CDH4: variants seen among roughly 807,000 people sequenced by gnomAD.
CDH4 encodes the protein cadherin-4.
In CDH4, 33 loss-of-function variants were observed where a neutral mutation model predicts 86.0. The ratio of observed to expected loss-of-function variants is 0.38; its 90% CI spans 0.29 to 0.51. CDH4 has a LOEUF of 0.51. Among genes scored for constraint, CDH4 ranks in the 20% least tolerant of loss-of-function variants. The probability of loss-of-function intolerance (pLI) is 0.86; values close to 1 mark genes in which losing one functional copy is unlikely to be tolerated. For missense variants in CDH4, 1,114 were observed against 1,307.4 expected, an observed-to-expected ratio of 0.85 and a Z score of 2.28; for synonymous variants, 555 against 549.4, an observed-to-expected ratio of 1.01 and a Z score of -0.14.
intron 2 of CDH4, among the ~76,000 whole-genome samples, chr20:61,583,013 A>T (rs1378812175): frequency 6.6e-6 from 1 of 151,750 alleles, no homozygotes; most frequent in Admixed American, 6.6e-5. Flanking sequence ...GGCACTGCGC[A>T]TGAGAGAATT....
intron 2 of CDH4, among the ~76,000 whole-genome samples, chr20:61,661,084 C>CGGGG (rs56367674): frequency 0.013 from 949 of 74,266 alleles, 39 homozygotes; most frequent in South Asian, 0.041. Context: ...GGAGGCATGG[C>CGGGG]GGGGGGGGGG....
At chr20:61,765,898 C>T (rs903277318) in intron 3 of CDH4, among the ~76,000 whole-genome samples, 4 of 152,088 alleles carry the variant, frequency 2.6e-5, no homozygotes, top group African/African-American at 7.2e-5. Context: ...GGTCACCTGC[C>T]TTCCCTGGAG....
chr20:61,582,553 C>T lies in CDH4; in HGVS notation c.170-161010C>T, dbSNP rs943549037. Among the ~76,000 whole-genome samples, 7 of 152,154 alleles carry T rather than the reference C, an allele frequency of 4.6e-5. No homozygotes were observed. Among genetic ancestry groups the T allele is most frequent in the South Asian group, 2.1e-4 (1 of 4,818 alleles). The stretch of plus-strand genomic sequence containing the variant: ...CTGTAGACTTCCCTCCCAGTGCTTC[C>T]GGGGAGAGTCTCCCCAGTTGCACCC... On this transcript the variant is annotated intron_variant, in intron 2 of 15. Transcript: ENST00000614565. The surrounding 1 kb of genome is among the most constrained non-coding windows in gnomAD (Gnocchi z 4.2).
intron 2 of CDH4, among the ~76,000 whole-genome samples, chr20:61,588,943 C>A (rs1328164789): frequency 6.6e-6 from 1 of 152,222 alleles, no homozygotes; most frequent in African/African-American, 2.4e-5. Flanking sequence ...TGTTGGCATT[C>A]TGTTCGTAAA....
At chr20:61,795,733 G>A (rs1423883789) in intron 4 of CDH4, among the ~76,000 whole-genome samples, 12 of 152,284 alleles carry the variant, frequency 7.9e-5, no homozygotes, top group African/African-American at 2.9e-4. Context: ...TCAGGAAGGA[G>A]GGAGGCTGGG....
intron 5 of CDH4, among the ~76,000 whole-genome samples, chr20:61,848,519 TG>T (rs1199755748): frequency 2.0e-5 from 3 of 151,600 alleles, no homozygotes; most frequent in Non-Finnish European, 2.9e-5. Flanking sequence ...CTTTTTTTAT[TG>T]TATTGTATTG....
chr20:61,660,906 G>C (rs1007011297), intron 2 of CDH4, among the ~76,000 whole-genome samples: 1 of 152,166 alleles, frequency 6.6e-6, no homozygotes, highest in African/African-American at 2.4e-5. Flanking sequence ...CGGGACTCAT[G>C]GTCCCGCAGC....
intron 6 of CDH4, among the ~76,000 whole-genome samples, chr20:61,871,230 T>A (rs1202038925): frequency 6.6e-6 from 1 of 152,206 alleles, no homozygotes; most frequent in Non-Finnish European, 1.5e-5. Context: ...ACATTTAGTG[T>A]CTATTTTTCA....
chr20:61,701,923 A>G (rs1022583258), intron 2 of CDH4, among the ~76,000 whole-genome samples: 5 of 152,334 alleles, frequency 3.3e-5, no homozygotes, highest in South Asian at 4.1e-4. Context: ...GGTGTGACTC[A>G]GGCCGAAGAG....
At chr20:61,462,925 T>G (rs1200595468) in intron 2 of CDH4, among the ~76,000 whole-genome samples, 2 of 152,050 alleles carry the variant, frequency 1.3e-5, no homozygotes, top group Non-Finnish European at 2.9e-5. Context: ...GGTGGTGAAA[T>G]GGTTTGACTG....
intron 4 of CDH4, among the ~76,000 whole-genome samples, chr20:61,823,674 G>A (rs1378250777): frequency 6.6e-6 from 1 of 152,148 alleles, no homozygotes; most frequent in Non-Finnish European, 1.5e-5. Context: ...TATGATTGTT[G>A]ACATGGTATC....
At chr20:61,502,492 G>T (rs529105486) in intron 2 of CDH4, among the ~76,000 whole-genome samples, 2 of 152,312 alleles carry the variant, frequency 1.3e-5, no homozygotes, top group East Asian at 3.9e-4. Flanking sequence ...TACATAGCTA[G>T]AGATTATTTT....
At chr20:61,475,458 C>A (rs6121590) in intron 2 of CDH4, among the ~76,000 whole-genome samples, 5 of 72,048 alleles carry the variant, frequency 6.9e-5, no homozygotes, top group Admixed American at 6.8e-4. Context: ...TACCTCCCCC[C>A]CTCTCTCTCC....
intron 2 of CDH4, among the ~76,000 whole-genome samples, chr20:61,376,590 A>C (rs111794126): frequency 1.6e-4 from 24 of 152,250 alleles, no homozygotes; most frequent in African/African-American, 5.8e-4. Context: ...GGCGGAGTTC[A>C]GGTCACCCAT....
intron 2 of CDH4, among the ~76,000 whole-genome samples, chr20:61,333,642 C>A (rs1035663884): frequency 6.6e-5 from 10 of 152,360 alleles, no homozygotes; most frequent in African/African-American, 2.2e-4. Flanking sequence ...GCCCTTACCC[C>A]GGGCCACACG....
chr20:61,872,772 G>T (rs113272517), intron 6 of CDH4, among the ~76,000 whole-genome samples: 17 of 152,230 alleles, frequency 1.1e-4, no homozygotes, highest in Non-Finnish European at 1.8e-4. Flanking sequence ...GAGAGAGCCC[G>T]CCGTGCCAGC....
chr20:61,658,266 C>T (rs1039358742), intron 2 of CDH4, among the ~76,000 whole-genome samples: 6 of 152,090 alleles, frequency 3.9e-5, no homozygotes, highest in African/African-American at 1.2e-4. Context: ...CTGCAACCCC[C>T]GAGTCACCAT....
intron 2 of CDH4, among the ~76,000 whole-genome samples, chr20:61,255,923 TTTGCACCGAATCC>T (rs1379348608): frequency 6.6e-6 from 1 of 152,174 alleles, no homozygotes; most frequent in African/African-American, 2.4e-5. Flanking sequence ...GGATTTTTAT[TTTGCACCGAATCC>T]AAGTTTTCTG....
intron 9 of CDH4, among the ~76,000 whole-genome samples, chr20:61,915,010 C>T (rs1249643812): frequency 6.6e-6 from 1 of 152,200 alleles, no homozygotes; most frequent in Non-Finnish European, 1.5e-5. Context: ...ATGTGATCAG[C>T]TACAGTGACG....
Sources: allele counts gnomAD v4.1 joint callset (sites outside exome capture counted in the v4.1 genomes callset), GRCh38; gene constraint gnomAD v4.1.1; non-coding constraint Gnocchi (gnomAD v3.1); transcripts MANE v1.5; gene names NCBI Gene and HGNC (gene_info 2026-07-23, HGNC 2026-07-21).